Variants in SH3RF3 observed in about 807,000 individuals in gnomAD.
SH3RF3 encodes the protein E3 ubiquitin-protein ligase SH3RF3.
A neutral mutation model predicts 66.3 loss-of-function variants in SH3RF3; 29 were observed. The observed-to-expected ratio is 0.44, with a 90% CI of 0.33 to 0.60. The LOEUF is 0.60. Ranked by LOEUF, SH3RF3 falls within the 20% of genes least tolerant of loss-of-function variation. The pLI is 0.04. For missense variants in SH3RF3, 1,194 were observed against 1,190.9 expected, an observed-to-expected ratio of 1.00 and a Z score of -0.04; for synonymous variants, 583 against 532.0, an observed-to-expected ratio of 1.10 and a Z score of -1.32.
intron 1 of SH3RF3, among the ~76,000 whole-genome samples, chr2:109,256,958 T>C (rs1680235818): frequency 6.6e-6 from 1 of 152,168 alleles, no homozygotes; most frequent in Non-Finnish European, 1.5e-5. Flanking sequence ...TAGCAGCTCT[T>C]CATGCTGGAG....
chr2:109,500,652 T>C (rs1679364322), intron 9 of SH3RF3, among the ~76,000 whole-genome samples: 1 of 152,130 alleles, frequency 6.6e-6, no homozygotes, highest in Non-Finnish European at 1.5e-5. Context: ...TGGAGCACAT[T>C]TAAAAATAAG....
rs1459168658 is a variant in SH3RF3 at position 109,392,019 on chromosome 2, T to C, written c.946-6571T>C. On this transcript the variant is annotated intron_variant, in intron 3 of 9. Transcript: ENST00000309415. ...TTTACAGAGACTGGGTCTCACTATA[T>C]TACCCAGGCTGATCTCGAACTCCTG... Among the ~76,000 whole-genome samples, 3 of 152,060 alleles carry C rather than the reference T, an allele frequency of 2.0e-5. No individual in the cohort carries two copies. In the East Asian group the frequency reaches 5.8e-4, roughly 29 times the overall value.
chr2:109,392,642 C>T (rs370281537), intron 3 of SH3RF3, among the ~76,000 whole-genome samples: 13 of 152,110 alleles, frequency 8.5e-5, no homozygotes, highest in Admixed American at 3.9e-4. Context: ...CCTCAGCCTC[C>T]GGAGTAGCTG....
chr2:109,447,147 T>TAAAAAAAAAAA (rs61240132), intron 7 of SH3RF3, among the ~76,000 whole-genome samples: 33 of 82,056 alleles, frequency 4.0e-4, no homozygotes, highest in East Asian at 6.3e-4. Context: ...CCTGAATATT[T>TAAAAAAAAAAA]AAAAAAAAAA....
chr2:109,304,112 A>G (rs529492937), intron 1 of SH3RF3, among the ~76,000 whole-genome samples: 71 of 151,576 alleles, frequency 4.7e-4, no homozygotes, highest in African/African-American at 1.6e-3. Flanking sequence ...AAAAAAAAAA[A>G]AGAAAGATCT....
At chr2:109,170,439 G>A (rs979957885) in intron 1 of SH3RF3, among the ~76,000 whole-genome samples, 2 of 151,860 alleles carry the variant, frequency 1.3e-5, no homozygotes, top group Admixed American at 6.6e-5. Context: ...TCCGCCTCCC[G>A]GGTTCAAGTG....
chr2:109,261,365 G>A (rs13405813), intron 1 of SH3RF3, among the ~76,000 whole-genome samples: 38,490 of 152,110 alleles, frequency 0.25, 5,292 homozygotes, highest in East Asian at 0.46. Flanking sequence ...TTAATCATGA[G>A]GATTAAATTG....
rs543194648 is a variant in SH3RF3 at position 109,409,418 on chromosome 2, A to G, written c.1300-10121A>G. Among the ~76,000 whole-genome samples the G allele has an allele frequency of 4.6e-5, 7 of 152,338 alleles. No homozygotes were observed. In the East Asian group the frequency reaches 1.4e-3, roughly 29 times the overall value. ...CTGGAGACAGCAGTGGATGGTGGGCATGGCTGGCTGCCAATAAAACTTTAT... is the reference window on the plus strand; with the variant it reads ...CTGGAGACAGCAGTGGATGGTGGGCGTGGCTGGCTGCCAATAAAACTTTAT... On this transcript the variant is annotated intron_variant, in intron 4 of 9. Transcript: ENST00000309415.
chr2:109,489,422 C>A (rs919290466), intron 8 of SH3RF3, among the ~76,000 whole-genome samples: 3 of 152,194 alleles, frequency 2.0e-5, no homozygotes, highest in African/African-American at 7.2e-5. Flanking sequence ...ACAACCAGAC[C>A]CCAGCGTGGC....
At chr2:109,485,506 C>T (rs1252485904) in intron 8 of SH3RF3, among the ~76,000 whole-genome samples, 2 of 152,166 alleles carry the variant, frequency 1.3e-5, no homozygotes, top group Non-Finnish European at 1.5e-5. Flanking sequence ...TACTAATGTT[C>T]TACTAAACAG....
At chr2:109,169,075 G>A (rs890967907) in intron 1 of SH3RF3, among the ~76,000 whole-genome samples, 8 of 152,172 alleles carry the variant, frequency 5.3e-5, no homozygotes, top group African/African-American at 1.9e-4. Flanking sequence ...CACCACTGAG[G>A]CAGCCTTTGG....
chr2:109,347,768 T>C lies in SH3RF3; in HGVS notation c.668T>C (p.Leu223Pro). ...LKFNKGDIIVLRRKVDEQWYH... is the reference protein window; with the variant it reads ...LKFNKGDIIVPRRKVDEQWYH... ...TTCAACAAGGGGGACATCATCGTCCTGCGGCGCAAGGTGGATGAACAGTGG... is the reference window on the plus strand; with the variant it reads ...TTCAACAAGGGGGACATCATCGTCCCGCGGCGCAAGGTGGATGAACAGTGG... Residue 223 changes from leucine (L) to proline (P), a missense_variant, in exon 2 of 10, where the codon CTG becomes CCG. Leu to Pro is a moderately conservative substitution (Grantham distance 98, BLOSUM62 -3). Transcript: ENST00000309415. The C allele has an allele frequency of 6.2e-7, 1 of 1,614,012 alleles. No homozygotes were observed.
At chr2:109,338,953 A>G (rs552982830) in intron 1 of SH3RF3, among the ~76,000 whole-genome samples, 5 of 152,390 alleles carry the variant, frequency 3.3e-5, no homozygotes, top group Admixed American at 1.3e-4. Flanking sequence ...TGGGAGAACT[A>G]TACATTATAT....
intron 4 of SH3RF3, among the ~76,000 whole-genome samples, chr2:109,417,481 G>A (rs56901107): frequency 0.1 from 15,310 of 152,176 alleles, 979 homozygotes; most frequent in East Asian, 0.3. Flanking sequence ...GTTCTCACAC[G>A]GTGCTCAGCC....
At chr2:109,171,913 C>T (rs1677792152) in intron 1 of SH3RF3, among the ~76,000 whole-genome samples, 2 of 152,394 alleles carry the variant, frequency 1.3e-5, no homozygotes, top group East Asian at 1.9e-4. Context: ...AAAGGGCATG[C>T]ATGTGCCGAG....
chr2:109,464,390 A>G (rs991527847), intron 8 of SH3RF3, among the ~76,000 whole-genome samples: 1 of 152,252 alleles, frequency 6.6e-6, no homozygotes, highest in African/African-American at 2.4e-5. Flanking sequence ...ATCTACATGA[A>G]TACATAACAA....
intron 8 of SH3RF3, among the ~76,000 whole-genome samples, chr2:109,481,192 C>T (rs948738224): frequency 6.6e-6 from 1 of 152,184 alleles, no homozygotes; most frequent in African/African-American, 2.4e-5. Flanking sequence ...GAGGGGGAGG[C>T]CGGGGCCCTG....
At chr2:109,468,235 T>C (rs1356884586) in intron 8 of SH3RF3, among the ~76,000 whole-genome samples, 1 of 152,170 alleles carries the variant, frequency 6.6e-6, no homozygotes, top group Non-Finnish European at 1.5e-5. Flanking sequence ...GCTCCTAGGC[T>C]AAAACCTGCA....
At chr2:109,431,743 C>G (rs1439220470) in intron 5 of SH3RF3, among the ~76,000 whole-genome samples, 1 of 152,158 alleles carries the variant, frequency 6.6e-6, no homozygotes, top group African/African-American at 2.4e-5. Flanking sequence ...TGGCGGTGCA[C>G]ACCTGTGGTC....
Sources: allele counts gnomAD v4.1 joint callset (sites outside exome capture counted in the v4.1 genomes callset), GRCh38; gene constraint gnomAD v4.1.1; transcripts MANE v1.5; gene names NCBI Gene and HGNC (gene_info 2026-07-23, HGNC 2026-07-21).